Variants in PXK observed in about 807,000 individuals in gnomAD.
The protein encoded by PXK is PX domain containing serine/threonine kinase like.
A neutral mutation model predicts 84.7 loss-of-function variants in PXK; 35 were observed. That is an observed-to-expected ratio of 0.41 (90% CI 0.32 to 0.55). PXK has a LOEUF of 0.55. Among genes scored for constraint, PXK ranks in the 20% least tolerant of loss-of-function variants. PXK has a pLI of 0.21. For missense variants in PXK, 634 were observed against 699.7 expected (o/e 0.91, Z 1.06); for synonymous variants, 253 against 260.8 (o/e 0.97, Z 0.29).
chr3:58,405,794 T>C (rs1181129198), intron 13 of PXK, among the ~76,000 whole-genome samples: 1 of 146,518 alleles, frequency 6.8e-6, no homozygotes, highest in Admixed American at 6.8e-5. Flanking sequence ...AAAAAAGAAA[T>C]GATAGGCTCA....
intron 1 of PXK, among the ~76,000 whole-genome samples, chr3:58,335,104 G>A (rs1028613414): frequency 6.6e-6 from 1 of 151,566 alleles, no homozygotes; most frequent in African/African-American, 2.4e-5. Context: ...TGGAACGCCT[G>A]GGCTCAGGCC....
At chr3:58,348,100 G>A (rs1406548544) in intron 1 of PXK, among the ~76,000 whole-genome samples, 1 of 152,098 alleles carries the variant, frequency 6.6e-6, no homozygotes, top group Admixed American at 6.5e-5. Context: ...AGTAGAGGTG[G>A]GGTTTTGCTA....
At position 58,401,846 on chromosome 3, in the gene PXK, G is replaced by A. The variant is rs2058622772; in HGVS notation, c.1182-2016G>A. 6.7e-6 allele frequency among the ~76,000 whole-genome samples: 1 copy of A among 150,246 alleles called. No homozygotes were observed. Among genetic ancestry groups the A allele is most frequent in the Non-Finnish European group, 1.5e-5 (1 of 67,440 alleles). ...GGAGGCGGAGTTTGCACTGGAGCGCGCCACTGCACTCCAGCCTGGGCGACA... is the reference window on the plus strand; with the variant it reads ...GGAGGCGGAGTTTGCACTGGAGCGCACCACTGCACTCCAGCCTGGGCGACA... On this transcript the variant is annotated intron_variant, in intron 12 of 17. Coordinates refer to ENST00000356151, the MANE Select transcript of PXK (RefSeq NM_017771.5). This position sits in a 1 kb window ranked among gnomAD's most constrained non-coding sequence, Gnocchi z 4.4.
At chr3:58,367,531 C>T (rs2098293106) in intron 2 of PXK, among the ~76,000 whole-genome samples, 1 of 152,128 alleles carries the variant, frequency 6.6e-6, no homozygotes, top group South Asian at 2.1e-4. Flanking sequence ...AGATGTGAGC[C>T]ACTGTGCCTG....
intron 1 of PXK, among the ~76,000 whole-genome samples, chr3:58,339,218 GTTTTTTTTT>G (rs1403857847): frequency 6.2e-5 from 7 of 113,646 alleles, no homozygotes; most frequent in Non-Finnish European, 9.1e-5. Context: ...TTTGTGGGGG[GTTTTTTTTT>G]GTTTTTTTTT....
At chr3:58,395,548 G>C in intron 8 of PXK, 110 bp from the exon 9 acceptor site, 1 of 755,618 alleles carries the variant, frequency 1.3e-6, no homozygotes, top group Non-Finnish European at 2.2e-6. Context: ...CTTGCAGCTG[G>C]CCATCTCTGG....
At chr3:58,386,816 A>G (rs1449739309) in intron 4 of PXK, among the ~76,000 whole-genome samples, 1 of 152,202 alleles carries the variant, frequency 6.6e-6, no homozygotes, top group African/African-American at 2.4e-5. Flanking sequence ...CTATAAAACA[A>G]GAGGCTGGGG....
chr3:58,393,716 C>T (rs1279554680), intron 7 of PXK, among the ~76,000 whole-genome samples: 1 of 152,094 alleles, frequency 6.6e-6, no homozygotes, highest in African/African-American at 2.4e-5. Context: ...AAGGTAAATA[C>T]CTATAATTAA....
chr3:58,341,510 C>T (rs2097729836), intron 1 of PXK, among the ~76,000 whole-genome samples: 1 of 151,966 alleles, frequency 6.6e-6, no homozygotes, highest in African/African-American at 2.4e-5. Context: ...TGCAGTGAGC[C>T]AAGATCATGC....
rs568218131 is a variant in PXK at position 58,394,132 on chromosome 3, A to C, written c.616-866A>C. On this transcript the variant is annotated intron_variant, in intron 7 of 17. Transcript: ENST00000356151. Reference sequence around the variant, plus strand: ...GATCAGGAGAACTTCATGATCAATTACTCTGTTTTCCTGGGTACACCTTTC... The same window carrying C: ...GATCAGGAGAACTTCATGATCAATTCCTCTGTTTTCCTGGGTACACCTTTC... 3.9e-5 allele frequency among the ~76,000 whole-genome samples: 6 copies of C among 152,252 alleles called. No individual in the cohort carries two copies. The East Asian group carries it at 7.7e-4, about 20-fold the overall frequency.
chr3:58,373,318 G>A (rs960967074), intron 3 of PXK, among the ~76,000 whole-genome samples: 17 of 151,996 alleles, frequency 1.1e-4, no homozygotes, highest in Non-Finnish European at 1.5e-4. Context: ...CTCGTGATCC[G>A]CCCACCTTGG....
In PXK at chr3:58,370,606, C is replaced by G. The variant is rs1305991710; in HGVS notation, c.201+1128C>G. ...CGTTATCGCTCATTCTGAGGGACCT[C>G]TGATCTTGCCCATAAAGGTCAGGAG... On this transcript the variant is annotated intron_variant, in intron 3 of 17. Transcript: ENST00000356151. This position sits in a 1 kb window ranked among gnomAD's most constrained non-coding sequence, Gnocchi z 4.2. 2.6e-5 allele frequency among the ~76,000 whole-genome samples: 4 copies of G among 152,186 alleles called. No individual in the cohort carries two copies. The highest frequency in any genetic ancestry group is 9.7e-5 in the African/African-American group (4 of 41,448).
Position 58,409,014 on chromosome 3 carries a change from C to T in PXK, c.1308+13C>T, listed in dbSNP as rs139964565. On this transcript the variant is annotated intron_variant, in intron 14 of 17. Coordinates refer to ENST00000356151, the MANE Select transcript of PXK (RefSeq NM_017771.5). The surrounding 1 kb of genome is among the most constrained non-coding windows in gnomAD (Gnocchi z 4.2). ...GGAACAGAAACAGGTAAATTGATAA[C>T]GGTTCCTCTTTGCCTTTTAGTGTCC... The T allele has an allele frequency of 1.3e-4, 198 of 1,556,674 alleles. 6 individuals are homozygous for T. The highest frequency in any genetic ancestry group is 7.6e-4 in the African/African-American group (56 of 73,406).
At chr3:58,353,099 CCGTT>C (rs1203979516) in intron 1 of PXK, among the ~76,000 whole-genome samples, 1 of 152,020 alleles carries the variant, frequency 6.6e-6, no homozygotes, top group Non-Finnish European at 1.5e-5. Flanking sequence ...CGGATTCACG[CCGTT>C]CTCCTGCCTC....
At chr3:58,355,515 G>T (rs952191412) in intron 1 of PXK, among the ~76,000 whole-genome samples, 1 of 152,202 alleles carries the variant, frequency 6.6e-6, no homozygotes, top group African/African-American at 2.4e-5. Context: ...GTAATTTGGG[G>T]CCAGAAAGGT....
In PXK at chr3:58,335,018, G is replaced by GGTGTGTGTGTGT. The variant is rs375780661; in HGVS notation, c.102+1958_102+1969dup. Among the ~76,000 whole-genome samples, 1,050 of 106,536 alleles carry GGTGTGTGTGTGT rather than the reference G, an allele frequency of 9.9e-3. 8 individuals carry two copies. The highest frequency in any genetic ancestry group is 0.013 in the Non-Finnish European group (663 of 52,292). The allele number at this position is 106,536 out of a possible 152,430, so 69.9% of individuals were successfully genotyped here. On this transcript the variant is annotated intron_variant, in intron 1 of 17. Coordinates refer to ENST00000356151, the MANE Select transcript of PXK (RefSeq NM_017771.5). ...AGCGTCTCACCATGTTGTCCAGGCT[G>GGTGTGTGTGTGT]GTGTGTGTGTGTGTGTGTGTGTGTG...
intron 3 of PXK, among the ~76,000 whole-genome samples, chr3:58,378,908 C>T (rs1365888014): frequency 6.6e-6 from 1 of 150,752 alleles, no homozygotes; most frequent in African/African-American, 2.5e-5. Flanking sequence ...TTTTGGTAGC[C>T]CTTTATTATT....
chr3:58,372,763 A>T (rs1178194093), intron 3 of PXK, among the ~76,000 whole-genome samples: 3 of 151,350 alleles, frequency 2.0e-5, no homozygotes, highest in African/African-American at 7.3e-5. Flanking sequence ...AGTAGCTGAG[A>T]TTACAGGCAC....
intron 13 of PXK, among the ~76,000 whole-genome samples, chr3:58,404,726 G>A (rs1485836946): frequency 6.6e-6 from 1 of 152,060 alleles, no homozygotes; most frequent in Non-Finnish European, 1.5e-5. Context: ...GAGGATAAAA[G>A]GTAATTCTCC....
Sources: gnomAD v4.1 joint callset for allele counts (sites outside exome capture counted in the v4.1 genomes callset) on GRCh38, gnomAD v4.1.1 for gene constraint, Gnocchi (gnomAD v3.1) non-coding constraint, MANE v1.5 for transcripts, NCBI Gene and HGNC (gene_info 2026-07-23, HGNC 2026-07-21) for gene names.